Variants in XPO7 observed in about 807,000 individuals in gnomAD.
The protein encoded by XPO7 is exportin-7.
A neutral mutation model predicts 144.3 loss-of-function variants in XPO7; 21 were observed. The observed-to-expected ratio is 0.15, with a 90% confidence interval of 0.10 to 0.21. The LOEUF is 0.21. Among genes scored for constraint, XPO7 ranks in the 10% least tolerant of loss-of-function variants. The probability of loss-of-function intolerance (pLI) is 1.00; values close to 1 mark genes in which losing one functional copy is unlikely to be tolerated. For synonymous variants in XPO7, 580 were observed against 499.6 expected, an observed-to-expected ratio of 1.16 and a Z score of -2.15; for missense variants, 808 against 1,325.8, an observed-to-expected ratio of 0.61 and a Z score of 6.06.
Position 21,919,719 on chromosome 8 carries a change from A to C in XPO7, c.-52A>C. Reference sequence around the variant, plus strand: ...GCGGCGGCGGCAGCGGCTCCGGCCGAGGTGCGCGCTGGGGGGGAGGGGGGG... The same window carrying C: ...GCGGCGGCGGCAGCGGCTCCGGCCGCGGTGCGCGCTGGGGGGGAGGGGGGG... On this transcript the variant is annotated 5_prime_UTR_variant, in exon 1 of 28. Transcript: ENST00000252512. 108 of 205,190 alleles carry C rather than the reference A, an allele frequency of 5.3e-4. No individual in the cohort carries two copies. The highest frequency in any genetic ancestry group is 9.2e-4 in the Non-Finnish European group (97 of 105,184). 12.7% of individuals were successfully genotyped at this position (205,190 alleles called of 1,614,324 possible).
intron 1 of XPO7, among the ~76,000 whole-genome samples, chr8:21,927,132 C>G (rs1258661163): frequency 2.0e-5 from 3 of 151,926 alleles, no homozygotes; most frequent in African/African-American, 7.3e-5. Context: ...GCTTGTAGTC[C>G]CAGCTACTGG....
intron 27 of XPO7, 122 bp downstream of exon 27, chr8:22,004,152 G>C (rs10866837): frequency 0.54 from 686,422 of 1,262,848 alleles, 190,696 homozygotes; most frequent in African/African-American, 0.72. Flanking sequence ...GCAATGCAAT[G>C]CAATAGAAAA....
chr8:21,998,208 G>T (rs1185770975), intron 21 of XPO7, among the ~76,000 whole-genome samples: 2 of 152,198 alleles, frequency 1.3e-5, no homozygotes, highest in African/African-American at 4.8e-5. Flanking sequence ...TTGGGAGGCT[G>T]AGGCGGGCGG....
chr8:21,967,968 G>C (rs73221582), intron 2 of XPO7, among the ~76,000 whole-genome samples: 2,526 of 152,314 alleles, frequency 0.017, 32 homozygotes, highest in Non-Finnish European at 0.028. Flanking sequence ...TCAGCAGCAA[G>C]CACTGGCCTT....
At chr8:21,985,890 A>G (rs1812563316) in intron 13 of XPO7, among the ~76,000 whole-genome samples, 199 bp downstream of exon 13, 1 of 152,368 alleles carries the variant, frequency 6.6e-6, no homozygotes, top group East Asian at 1.9e-4. Context: ...TAATTCAGAA[A>G]GGAAATAATG....
At position 22,005,198 on chromosome 8, in the gene XPO7, G is replaced by T. The variant is rs1054934078; in HGVS notation, c.*110G>T. Reference sequence around the variant, plus strand: ...CTGATCCTGGCTCTTTTCTCCAGGGGTGTGGGGAAAATGGCAAAGGTCAAC... The same window carrying T: ...CTGATCCTGGCTCTTTTCTCCAGGGTTGTGGGGAAAATGGCAAAGGTCAAC... On this transcript the variant is annotated 3_prime_UTR_variant, in exon 28 of 28. Transcript: ENST00000252512. 3 of 921,342 alleles carry T rather than the reference G, an allele frequency of 3.3e-6. No individual in the cohort carries two copies. The highest frequency in any genetic ancestry group is 2.0e-5 in the South Asian group (1 of 49,166). The allele number at this position is 921,342 out of a possible 1,614,324, so 57.1% of individuals were successfully genotyped here.
At chr8:21,937,607 C>CT (rs1283809206) in intron 1 of XPO7, among the ~76,000 whole-genome samples, 2 of 152,122 alleles carry the variant, frequency 1.3e-5, no homozygotes, top group African/African-American at 4.8e-5. Flanking sequence ...GAAGGTATTT[C>CT]TTTTTGGAGT....
rs1244678931 is a variant in XPO7 at position 21,990,891 on chromosome 8, A to G, written c.2013A>G (p.Ala671=). ...DMRCRTTFYT[A]LGRLLMVDLG... is the part of the protein sequence containing the mutation. ...GGTGTCGGACTACCTTCTACACAGCACTTGGGCGTCTCCTCATGGTGGATT... is the reference window on the plus strand; with the variant it reads ...GGTGTCGGACTACCTTCTACACAGCGCTTGGGCGTCTCCTCATGGTGGATT... The change falls in exon 18 of 28, where the codon GCA becomes GCG. Residue 671 remains alanine (A), a synonymous_variant. Transcript: ENST00000252512. 4.3e-6 allele frequency: 7 copies of G among 1,613,848 alleles called. 1 individual carries two copies. In the Admixed American group the frequency reaches 1.0e-4, roughly 23 times the overall value.
At chr8:21,951,276 T>A (rs889029244) in intron 1 of XPO7, among the ~76,000 whole-genome samples, 1 of 151,864 alleles carries the variant, frequency 6.6e-6, no homozygotes, top group African/African-American at 2.4e-5. Context: ...TTTTTTTTTT[T>A]AAACCTATGA....
chr8:21,919,744 G>GACCA lies in XPO7; in HGVS notation c.-27_-26insACCA. The GACCA allele has an allele frequency of 2.9e-6, 1 of 342,292 alleles. No homozygotes were observed. Among genetic ancestry groups the GACCA allele is most frequent in the Non-Finnish European group, 4.6e-6 (1 of 216,736 alleles). The allele number at this position is 342,292 out of a possible 1,614,324, so 21.2% of individuals were successfully genotyped here. On this transcript the variant is annotated 5_prime_UTR_variant, in exon 1 of 28. Transcript: ENST00000252512. ...AGGTGCGCGCTGGGGGGGAGGGGGG[G>GACCA]CCGGAGAGGAGCATGAATGGAGCAA... is the stretch of plus-strand genomic sequence containing the variant.
chr8:21,992,422 A>G (rs1812801185), intron 19 of XPO7, among the ~76,000 whole-genome samples: 1 of 152,232 alleles, frequency 6.6e-6, no homozygotes, highest in African/African-American at 2.4e-5. Flanking sequence ...GATCTTCAGA[A>G]TCCATAATTT....
chr8:21,919,779 T>C lies in XPO7; in HGVS notation c.9T>C (p.Asp3=). 3.8e-6 allele frequency: 2 copies of C among 531,726 alleles called. No individual in the cohort carries two copies. The highest frequency in any genetic ancestry group is 5.5e-6 in the Non-Finnish European group (2 of 364,412). 32.9% of individuals were successfully genotyped at this position (531,726 alleles called of 1,614,324 possible). A position where few individuals can be genotyped will look rare whatever the true frequency, so the allele number is the denominator to read the frequency against. Residue 3 remains aspartate (D), a synonymous_variant, in exon 1 of 28, where the codon GAT becomes GAC. Coordinates refer to ENST00000252512, the MANE Select transcript of XPO7 (RefSeq NM_015024.5). The part of the protein sequence containing the change: MA[D]HVQSLAQLEN... ...AGCATGAATGGAGCAAAATGGCGGA[T>C]CATGTGCAGGTGAGAGGAGCCGCGG...
chr8:21,934,307 G>A (rs1470983477), intron 1 of XPO7, among the ~76,000 whole-genome samples: 1 of 152,194 alleles, frequency 6.6e-6, no homozygotes, highest in African/African-American at 2.4e-5. Flanking sequence ...GCCGAGGTGG[G>A]CGGATCACCT....
intron 1 of XPO7, among the ~76,000 whole-genome samples, chr8:21,921,221 T>G (rs1210736118): frequency 3.3e-5 from 5 of 152,236 alleles, no homozygotes; most frequent in African/African-American, 1.2e-4. Flanking sequence ...ATATTTTATG[T>G]GATTTTTAAA....
chr8:21,975,583 C>T (rs1306705172), intron 6 of XPO7, among the ~76,000 whole-genome samples: 1 of 152,164 alleles, frequency 6.6e-6, no homozygotes, highest in Non-Finnish European at 1.5e-5. Context: ...TTCTGTTATT[C>T]CAGTTAACGA....
Position 22,003,333 on chromosome 8 carries a change from C to A in XPO7, c.3042+16C>A. The A allele has an allele frequency of 6.3e-7, 1 of 1,594,692 alleles. No individual in the cohort carries two copies. The highest frequency in any genetic ancestry group is 8.6e-7 in the Non-Finnish European group (1 of 1,169,544). ...TAATGAAAAGGTGAGAGAGCCAGCT[C>A]CCTGGTGCCAACCCAGAAGCAGTGG... On this transcript the variant is annotated intron_variant, in intron 26 of 27. Coordinates refer to ENST00000252512, the MANE Select transcript of XPO7 (RefSeq NM_015024.5).
At chr8:21,962,266 C>T (rs1394285206) in intron 1 of XPO7, among the ~76,000 whole-genome samples, 5 of 152,280 alleles carry the variant, frequency 3.3e-5, no homozygotes, top group Admixed American at 2.6e-4. Flanking sequence ...TTGGCCACCA[C>T]GATTGCCTTT....
intron 1 of XPO7, among the ~76,000 whole-genome samples, chr8:21,932,141 T>A (rs1246508128): frequency 1.3e-5 from 2 of 152,208 alleles, no homozygotes; most frequent in Non-Finnish European, 2.9e-5. Flanking sequence ...GTGCTGAGAT[T>A]GCAGGCGTGA....
At position 21,985,978 on chromosome 8, in the gene XPO7, A is replaced by G. The variant is rs557951699; in HGVS notation, c.1577+287A>G. Among the ~76,000 whole-genome samples the G allele has an allele frequency of 5.3e-5, 8 of 152,316 alleles. No homozygotes were observed. In the South Asian group the frequency reaches 1.4e-3, roughly 28 times the overall value. On this transcript the variant is annotated intron_variant, in intron 13 of 27. Transcript: ENST00000252512. ...AATAGTATCTCAGAGTTAGTAAAAT[A>G]TGGACTGCTTTTGCCATCCCAAAAT...
Sources: gnomAD v4.1 joint callset for allele counts (sites outside exome capture counted in the v4.1 genomes callset) on GRCh38, gnomAD v4.1.1 for gene constraint, MANE v1.5 for transcripts, NCBI Gene and HGNC (gene_info 2026-07-23, HGNC 2026-07-21) for gene names.